RWDD1: variants seen among roughly 807,000 people sequenced by gnomAD.
RWDD1 encodes the protein RWD domain containing 1.
RWDD1 carries 17 observed loss-of-function variants against 31.6 expected under a neutral mutation model. The ratio of observed to expected loss-of-function variants is 0.54; its 90% confidence interval spans 0.37 to 0.81. The LOEUF (loss-of-function observed/expected upper bound fraction) is 0.81, where lower values mean the gene tolerates loss of function less well. RWDD1 is among the 30% of genes least tolerant of loss of function. RWDD1 has a pLI of 0.00. For synonymous variants in RWDD1, 78 were observed against 94.2 expected (o/e 0.83, Z 0.99); for missense variants, 204 against 274.5 (o/e 0.74, Z 1.82).
intron 1 of RWDD1, chr6:116,573,018 A>G (rs1774772765): frequency 1.0e-6 from 1 of 983,730 alleles, no homozygotes; most frequent in Non-Finnish European, 1.2e-6. Context: ...TCCCTTCTCT[A>G]TCCTTGCTTA....
At position 116,593,637 on chromosome 6, in the gene RWDD1, C is replaced by T. The variant is rs1295573280; in HGVS notation, c.*536C>T. 1 of 151,534 alleles carries T rather than the reference C, an allele frequency of 6.6e-6. No homozygotes were observed. Among genetic ancestry groups the T allele is most frequent in the Non-Finnish European group, 1.5e-5 (1 of 68,040 alleles). The allele number at this position is 151,534 out of a possible 1,614,324, so 9.4% of individuals were successfully genotyped here. A position where few individuals can be genotyped will look rare whatever the true frequency, so the allele number is the denominator to read the frequency against. On this transcript the variant is annotated 3_prime_UTR_variant, in exon 7 of 7. Coordinates refer to ENST00000466444, the MANE Select transcript of RWDD1 (RefSeq NM_015952.4). ...ATTTTGTATTGCCGTAAAGGAATATCTGAGGCTGGGTAATTTATAAAAGGT... is the reference window on the plus strand; with the variant it reads ...ATTTTGTATTGCCGTAAAGGAATATTTGAGGCTGGGTAATTTATAAAAGGT...
chr6:116,572,012 T>G (rs1433411912), intron 1 of RWDD1, among the ~76,000 whole-genome samples: 1 of 152,082 alleles, frequency 6.6e-6, no homozygotes, highest in Non-Finnish European at 1.5e-5. Context: ...CGCAAGAATG[T>G]TAGTTTTCAC....
rs911873767 is a variant in RWDD1, at chr6:116,596,545, T to A, written c.*3444T>A. ...TCATAAAAATAGCCAATGATGTTTT[T>A]AATTTTACATCTAAAACTAATTTGC... is the stretch of plus-strand genomic sequence containing the variant. On this transcript the variant is annotated 3_prime_UTR_variant, in exon 7 of 7. Transcript: ENST00000466444. 7.9e-5 allele frequency: 12 copies of A among 152,210 alleles called. No individual in the cohort carries two copies. The highest frequency in any genetic ancestry group is 2.4e-4 in the African/African-American group (10 of 41,464). 9.4% of individuals were successfully genotyped at this position (152,210 alleles called of 1,614,324 possible).
chr6:116,592,242 T>C (rs1458630521), intron 6 of RWDD1, among the ~76,000 whole-genome samples: 1 of 152,194 alleles, frequency 6.6e-6, no homozygotes, highest in Non-Finnish European at 1.5e-5. Flanking sequence ...GTTAGAATTA[T>C]TCAAGGTCTT....
intron 6 of RWDD1, 59 bp downstream of exon 6, chr6:116,591,009 C>A: frequency 6.7e-7 from 1 of 1,496,554 alleles, no homozygotes; most frequent in Non-Finnish European, 8.8e-7. Flanking sequence ...ACCTGTAATC[C>A]CAGCATTTTG....
chr6:116,584,759 G>C lies in RWDD1; in HGVS notation c.172G>C (p.Glu58Gln), dbSNP rs755255477. ...GACTACCCTCAAGTTTACATACAGT[G>C]AAAAATACCCAGATGAAGCTCCCCT... Reference protein sequence around the residue: ...VQTTLKFTYSEKYPDEAPLYE... With the variant: ...VQTTLKFTYSQKYPDEAPLYE... Residue 58 changes from glutamate to glutamine, a missense_variant, in exon 3 of 7, where the codon GAA (glutamate) becomes CAA (glutamine). Physicochemically the swap from Glu to Gln is conservative, Grantham distance 29. Transcript: ENST00000466444. The C allele has an allele frequency of 1.2e-6, 2 of 1,610,250 alleles. No individual in the cohort carries two copies. The highest frequency in any genetic ancestry group is 2.2e-5 in the South Asian group (2 of 90,972).
rs1416620397 is a variant in RWDD1 at position 116,594,321 on chromosome 6, TATTTAAATTAGAATTTAAATTAAA to T, written c.*1231_*1254del. ...TATCCAAACCATAGCAGTCTTAAAG[TATTTAAATTAGAATTTAAATTAAA>T]ATTTAAATTACAGTATTTAAATTAG... On this transcript the variant is annotated 3_prime_UTR_variant, in exon 7 of 7. Coordinates refer to ENST00000466444, the MANE Select transcript of RWDD1 (RefSeq NM_015952.4). 2.0e-5 allele frequency: 3 copies of T among 152,138 alleles called. No homozygotes were observed. Among genetic ancestry groups the T allele is most frequent in the Non-Finnish European group, 4.4e-5 (3 of 68,028 alleles). 9.4% of individuals were successfully genotyped at this position (152,138 alleles called of 1,614,324 possible). A position where few individuals can be genotyped will look rare whatever the true frequency, so the allele number is the denominator to read the frequency against.
chr6:116,584,724 T>C lies in RWDD1; in HGVS notation c.140-3T>C, dbSNP rs369498026. The C allele has an allele frequency of 5.0e-6, 8 of 1,610,260 alleles. No individual in the cohort carries two copies. In the African/African-American group the frequency reaches 1.1e-4, roughly 22 times the overall value. On this transcript the variant is annotated splice_polypyrimidine_tract_variant and splice_region_variant and intron_variant, in intron 2 of 6. Transcript: ENST00000466444. ...CACATCAAACTCTTATCTTGTGTCT[T>C]AGCTGTCCAGACTACCCTCAAGTTT...
At chr6:116,588,181 T>A (rs1775076443) in intron 3 of RWDD1, among the ~76,000 whole-genome samples, 1 of 152,098 alleles carries the variant, frequency 6.6e-6, no homozygotes, top group Admixed American at 6.6e-5. Flanking sequence ...GGAGATGCAA[T>A]ACCTACTCAG....
At chr6:116,587,519 T>C in intron 3 of RWDD1, among the ~76,000 whole-genome samples, 1 of 152,182 alleles carries the variant, frequency 6.6e-6, no homozygotes, top group East Asian at 1.9e-4. Flanking sequence ...CTTTCTTCTT[T>C]GAAGGGTCTC....
chr6:116,573,365 G>A (rs1349629845), intron 1 of RWDD1, among the ~76,000 whole-genome samples: 1 of 152,150 alleles, frequency 6.6e-6, no homozygotes, highest in East Asian at 1.9e-4. Flanking sequence ...CTGAGCCAGG[G>A]TAATAAAAGA....
In RWDD1 at chr6:116,580,327, A is replaced by G. The variant is rs767435061; in HGVS notation, c.106A>G (p.Thr36Ala). The G allele has an allele frequency of 1.2e-6, 2 of 1,602,598 alleles. No homozygotes were observed. Among genetic ancestry groups the G allele is most frequent in the Admixed American group, 3.4e-5 (2 of 59,340 alleles). The part of the protein sequence containing the change: ...LSENPPSFTI[T>A]VTSEAGENDE... ...AGAAAATCCACCCAGCTTCACCATT[A>G]CTGTGACGTCTGAGGCTGGAGAAAA... The change falls in exon 2 of 7, where the codon ACT becomes GCT. Residue 36 changes from threonine (T) to alanine (A), a missense_variant. Transcript: ENST00000466444.
chr6:116,580,707 CTA>C (rs1469174644), intron 2 of RWDD1, among the ~76,000 whole-genome samples: 1 of 152,048 alleles, frequency 6.6e-6, no homozygotes, highest in African/African-American at 2.4e-5. Context: ...CTTTGAGTGA[CTA>C]TTATTTTTTC....
chr6:116,587,272 A>G (rs1477994605), intron 3 of RWDD1, among the ~76,000 whole-genome samples: 1 of 152,184 alleles, frequency 6.6e-6, no homozygotes, highest in African/African-American at 2.4e-5. Flanking sequence ...ATAAGATTAT[A>G]TGGGTTGACA....
rs1323017174 is a variant in RWDD1 at position 116,580,237 on chromosome 6, A to G, written c.74-58A>G. Reference sequence around the variant, plus strand: ...ACTGGGTACTGATAATTTGCTAATAAGGAAAAGCATCTGCCTTAGAAAGCA... The same window carrying G: ...ACTGGGTACTGATAATTTGCTAATAGGGAAAAGCATCTGCCTTAGAAAGCA... On this transcript the variant is annotated intron_variant, in intron 1 of 6. Transcript: ENST00000466444. The G allele has an allele frequency of 3.1e-6, 4 of 1,296,880 alleles. No homozygotes were observed. In the Admixed American group the frequency reaches 6.3e-5, roughly 21 times the overall value. The allele number at this position is 1,296,880 out of a possible 1,614,324, so 80.3% of individuals were successfully genotyped here.
chr6:116,571,731 C>T (rs995608427), intron 1 of RWDD1, 76 bp downstream of exon 1: 9 of 1,384,476 alleles, frequency 6.5e-6, no homozygotes, highest in Non-Finnish European at 8.9e-6. Flanking sequence ...AGCTCTGGGC[C>T]TCATAGGTTG....
At chr6:116,577,220 A>G (rs1215212889) in intron 1 of RWDD1, among the ~76,000 whole-genome samples, 36 of 152,218 alleles carry the variant, frequency 2.4e-4, no homozygotes, top group Admixed American at 2.4e-3. Flanking sequence ...CTGACAAGAG[A>G]CAGTGGGCAG....
At chr6:116,571,746 G>T (rs1171548582) in intron 1 of RWDD1, 91 bp downstream of exon 1, 2 of 1,181,386 alleles carry the variant, frequency 1.7e-6, no homozygotes, top group African/African-American at 3.2e-5. Context: ...AGGTTGGGGT[G>T]GAGAAGGGGA....
intron 4 of RWDD1, among the ~76,000 whole-genome samples, chr6:116,589,775 G>A (rs1291046568): frequency 4.6e-5 from 7 of 152,164 alleles, no homozygotes; most frequent in Admixed American, 4.6e-4. Context: ...AGAGAAAAAT[G>A]AGGAAGAAGC....
Sources: allele counts gnomAD v4.1 joint callset (sites outside exome capture counted in the v4.1 genomes callset), GRCh38; gene constraint gnomAD v4.1.1; transcripts MANE v1.5; gene names NCBI Gene and HGNC (gene_info 2026-07-23, HGNC 2026-07-21).